Variants in CYTH3 observed in about 807,000 individuals in gnomAD.
CYTH3 encodes the protein cytohesin 3.
CYTH3 carries 23 observed loss-of-function variants against 55.1 expected under a neutral mutation model. The ratio of observed to expected loss-of-function variants is 0.42; its 90% CI spans 0.30 to 0.59. CYTH3 has a LOEUF of 0.59. Among genes scored for constraint, CYTH3 ranks in the 20% least tolerant of loss-of-function variants. The probability of loss-of-function intolerance (pLI) is 0.20; values close to 1 mark genes in which losing one functional copy is unlikely to be tolerated. For missense variants in CYTH3, 413 were observed against 524.8 expected (o/e 0.79, Z 2.08); for synonymous variants, 249 against 194.9 (o/e 1.28, Z -2.31).
chr7:6,196,150 CTA>C (rs1562891169), intron 1 of CYTH3, among the ~76,000 whole-genome samples: 1 of 152,170 alleles, frequency 6.6e-6, no homozygotes, highest in Non-Finnish European at 1.5e-5. Flanking sequence ...CCCATAAAGT[CTA>C]TGCTCTATTC....
chr7:6,208,143 G>C (rs905868804), intron 1 of CYTH3, among the ~76,000 whole-genome samples: 8 of 152,176 alleles, frequency 5.3e-5, no homozygotes, highest in African/African-American at 1.9e-4. Flanking sequence ...CACTGGATAA[G>C]GTAGGTAAGA....
chr7:6,188,945 G>C (rs999376979), intron 2 of CYTH3: 1 of 152,198 alleles, frequency 6.6e-6, no homozygotes, highest in African/African-American at 2.4e-5. Flanking sequence ...TTTTTATTCA[G>C]GACCCTATTA....
At position 6,190,446 on chromosome 7, in the gene CYTH3, T is replaced by TTA; in HGVS notation, c.117+2_117+3insTA. On this transcript the variant is annotated splice_region_variant and intron_variant, in intron 2 of 12. Coordinates refer to ENST00000350796, the MANE Select transcript of CYTH3 (RefSeq NM_004227.4). ...ATTTTTGGTTTTTTTTTTTTTTTTT[T>TTA]ACCTCAATGTCATCAATAAGTTCCT... 1 of 1,458,302 alleles carries TTA rather than the reference T, an allele frequency of 6.9e-7. No homozygotes were observed. Among genetic ancestry groups the TTA allele is most frequent in the Non-Finnish European group, 9.0e-7 (1 of 1,110,114 alleles). 90.3% of individuals were successfully genotyped at this position (1,458,302 alleles called of 1,614,324 possible).
At chr7:6,199,821 A>G (rs77845573) in intron 1 of CYTH3, among the ~76,000 whole-genome samples, 2,999 of 152,326 alleles carry the variant, frequency 0.02, 90 homozygotes, top group African/African-American at 0.069. Flanking sequence ...TTGGGTTAAT[A>G]ACAAATATAA....
intron 1 of CYTH3, among the ~76,000 whole-genome samples, chr7:6,201,985 A>C (rs1046147228): frequency 5.3e-5 from 8 of 152,222 alleles, no homozygotes; most frequent in Admixed American, 1.3e-4. Flanking sequence ...AAAAAATCCA[A>C]ATATACTGAT....
intron 1 of CYTH3, among the ~76,000 whole-genome samples, chr7:6,198,044 T>C (rs1219794086): frequency 1.4e-5 from 2 of 144,456 alleles, no homozygotes; most frequent in African/African-American, 5.2e-5. Context: ...CAGCGAGCTA[T>C]GACTGTGCTA....
intron 1 of CYTH3, among the ~76,000 whole-genome samples, chr7:6,269,385 T>C (rs1235599807): frequency 6.6e-6 from 1 of 152,216 alleles, no homozygotes; most frequent in Non-Finnish European, 1.5e-5. Context: ...TGTATTTTAT[T>C]ATGAACAAGG....
At chr7:6,185,763 C>A (rs550578433) in intron 4 of CYTH3, among the ~76,000 whole-genome samples, 7 of 151,874 alleles carry the variant, frequency 4.6e-5, no homozygotes, top group African/African-American at 1.7e-4. Flanking sequence ...ACCTGCAAAC[C>A]GTGAGCAGGA....
At chr7:6,270,512 G>A (rs951202122) in intron 1 of CYTH3, among the ~76,000 whole-genome samples, 1 of 152,010 alleles carries the variant, frequency 6.6e-6, no homozygotes, top group East Asian at 1.9e-4. Flanking sequence ...CAGAAACCTG[G>A]AAAATATAAA....
chr7:6,192,901 T>C (rs976953637), intron 1 of CYTH3, among the ~76,000 whole-genome samples: 1 of 151,752 alleles, frequency 6.6e-6, no homozygotes, highest in Non-Finnish European at 1.5e-5. Flanking sequence ...CCAGACACAG[T>C]GGCTCATGCC....
At chr7:6,220,639 T>C (rs920784551) in intron 1 of CYTH3, among the ~76,000 whole-genome samples, 1 of 150,050 alleles carries the variant, frequency 6.7e-6, no homozygotes, top group African/African-American at 2.5e-5. Flanking sequence ...CTTTCATACA[T>C]TGCTGGTGGG....
At chr7:6,232,443 G>A (rs1328280310) in intron 1 of CYTH3, among the ~76,000 whole-genome samples, 8 of 152,154 alleles carry the variant, frequency 5.3e-5, no homozygotes. Context: ...CGTGACAGGT[G>A]GACCACATGG....
intron 1 of CYTH3, among the ~76,000 whole-genome samples, chr7:6,252,066 G>A (rs1779985263): frequency 6.6e-6 from 1 of 152,200 alleles, no homozygotes; most frequent in Non-Finnish European, 1.5e-5. Context: ...AGACAGAGCA[G>A]AAGATGCAAA....
intron 1 of CYTH3, among the ~76,000 whole-genome samples, chr7:6,239,381 T>A (rs1463398681): frequency 1.3e-5 from 2 of 152,148 alleles, no homozygotes; most frequent in African/African-American, 4.8e-5. Flanking sequence ...AACATATAAG[T>A]TCCCAGAGTT....
chr7:6,178,013 C>T lies in CYTH3; in HGVS notation c.250-72G>A, dbSNP rs553995436. ...CTCATTTTTCAAAGACAGAAATACA[C>T]TTAGTGTCAGGATTTTACTGGTATG... is the stretch of plus-strand genomic sequence containing the variant. On this transcript the variant is annotated intron_variant, in intron 4 of 12. Coordinates refer to ENST00000350796, the MANE Select transcript of CYTH3 (RefSeq NM_004227.4). The T allele has an allele frequency of 6.5e-5, 77 of 1,190,204 alleles. No homozygotes were observed. The African/African-American group carries it at 1.0e-3, about 16-fold the overall frequency. The allele number at this position is 1,190,204 out of a possible 1,614,324, so 73.7% of individuals were successfully genotyped here. A position where few individuals can be genotyped will look rare whatever the true frequency, so the allele number is the denominator to read the frequency against.
intron 1 of CYTH3, among the ~76,000 whole-genome samples, chr7:6,213,153 C>A (rs1421831377): frequency 6.6e-6 from 1 of 152,192 alleles, no homozygotes; most frequent in Non-Finnish European, 1.5e-5. Context: ...CACCAAGAAC[C>A]GTGACTAGCA....
chr7:6,259,772 TTATATATATATA>T (rs1164154539), intron 1 of CYTH3, among the ~76,000 whole-genome samples: 444 of 30,442 alleles, frequency 0.015, 7 homozygotes, highest in Middle Eastern at 0.065. Flanking sequence ...TATATATATA[TTATATATATATA>T]ATATATATAT....
At chr7:6,201,582 G>A (rs1462458782) in intron 1 of CYTH3, among the ~76,000 whole-genome samples, 1 of 152,198 alleles carries the variant, frequency 6.6e-6, no homozygotes, top group Non-Finnish European at 1.5e-5. Flanking sequence ...TACAGGAGGT[G>A]TGAGCATCAA....
intron 1 of CYTH3, among the ~76,000 whole-genome samples, chr7:6,220,159 A>T (rs1784520637): frequency 6.6e-6 from 1 of 152,164 alleles, no homozygotes; most frequent in African/African-American, 2.4e-5. Context: ...GGCCTCCCAA[A>T]GTGCTGGGAT....
Sources: allele counts gnomAD v4.1 joint callset (sites outside exome capture counted in the v4.1 genomes callset), GRCh38; gene constraint gnomAD v4.1.1; transcripts MANE v1.5; gene names NCBI Gene and HGNC (gene_info 2026-07-23, HGNC 2026-07-21).